Variants in SP6 observed in about 807,000 individuals in gnomAD.
SP6 encodes Sp6 transcription factor.
Under a neutral mutation model 23.4 loss-of-function variants are expected in SP6, and 10 were observed. The ratio of observed to expected loss-of-function variants is 0.43; its 90% confidence interval spans 0.26 to 0.72. The LOEUF is 0.72. SP6 is among the 30% of genes least tolerant of loss of function. SP6 has a pLI of 0.23. For synonymous variants in SP6, 238 were observed against 238.7 expected (o/e 1.00, Z 0.03); for missense variants, 482 against 523.8 (o/e 0.92, Z 0.78).
chr17:47,866,458 C>A, the SP6 span, among the ~76,000 whole-genome samples: 1 of 152,122 alleles, frequency 6.6e-6, no homozygotes, highest in African/African-American at 2.4e-5. Context: ...GGCTGGGAGC[C>A]AGGAGATAGG....
At chr17:47,871,371 C>G in the SP6 span, among the ~76,000 whole-genome samples, 8 of 152,220 alleles carry the variant, frequency 5.3e-5, no homozygotes, top group African/African-American at 1.9e-4. Flanking sequence ...CTATCTGTCC[C>G]CACTTCTCCC....
upstream of SP6, among the ~76,000 whole-genome samples, chr17:47,852,878 C>G (rs1567962568): frequency 6.6e-6 from 1 of 152,190 alleles, no homozygotes; most frequent in Non-Finnish European, 1.5e-5. Context: ...CCTAAAAATG[C>G]TTAGCCCAAG....
the SP6 span, among the ~76,000 whole-genome samples, chr17:47,866,125 G>A: frequency 6.6e-6 from 1 of 152,126 alleles, no homozygotes; most frequent in Admixed American, 6.5e-5. Flanking sequence ...CTGGGAATTG[G>A]GGGAAATATA....
upstream of SP6, among the ~76,000 whole-genome samples, chr17:47,854,408 G>A (rs2033983618): frequency 6.6e-6 from 1 of 152,192 alleles, no homozygotes; most frequent in Non-Finnish European, 1.5e-5. Context: ...CAAGATTACA[G>A]AGTTGTTAAA....
Position 47,848,479 on chromosome 17 carries a change from G to T in SP6, c.-50C>A. ...GGCAGGGACGGTCAGGGGCACCTCA[G>T]ACGGGACCTAAAGGAGGCGAAGAAG... On this transcript the variant is annotated 5_prime_UTR_variant, in exon 2 of 2. The change creates a new upstream start codon in the 5' untranslated region. Coordinates refer to ENST00000536300, the MANE Select transcript of SP6 (RefSeq NM_001258248.2). This position sits in a 1 kb window ranked among gnomAD's most constrained non-coding sequence, Gnocchi z 5.3. 6.9e-7 allele frequency: 1 copy of T among 1,442,122 alleles called. No homozygotes were observed. Among genetic ancestry groups the T allele is most frequent in the Non-Finnish European group, 9.2e-7 (1 of 1,089,676 alleles). 89.3% of individuals were successfully genotyped at this position (1,442,122 alleles called of 1,614,324 possible).
upstream of SP6, among the ~76,000 whole-genome samples, chr17:47,854,656 A>G (rs1397580250): frequency 6.6e-6 from 1 of 152,186 alleles, no homozygotes; most frequent in Non-Finnish European, 1.5e-5. Context: ...CAGACTCTAC[A>G]CTTGTGATCC....
the SP6 span, among the ~76,000 whole-genome samples, chr17:47,873,954 TC>T: frequency 1.3e-5 from 2 of 149,348 alleles, no homozygotes; most frequent in African/African-American, 4.9e-5. Flanking sequence ...TCTCCCCTCT[TC>T]CCTCCTCCTT....
upstream of SP6, chr17:47,855,881 G>C (rs2033995006): frequency 6.6e-6 from 1 of 152,338 alleles, no homozygotes; most frequent in Non-Finnish European, 1.5e-5. Context: ...AGTCCGTGAG[G>C]TCTGCCAGGA....
At chr17:47,870,420 T>A in the SP6 span, among the ~76,000 whole-genome samples, 1 of 152,228 alleles carries the variant, frequency 6.6e-6, no homozygotes, top group South Asian at 2.1e-4. Flanking sequence ...CCTCATCAAA[T>A]GACATCCCTG....
chr17:47,867,260 AG>A, the SP6 span, among the ~76,000 whole-genome samples: 1 of 152,156 alleles, frequency 6.6e-6, no homozygotes, highest in Non-Finnish European at 1.5e-5. Flanking sequence ...GACATTTCCC[AG>A]AGACAGGCGG....
At chr17:47,849,210 G>C (rs532489626) in intron 1 of SP6, among the ~76,000 whole-genome samples, 2 of 152,082 alleles carry the variant, frequency 1.3e-5, no homozygotes, top group African/African-American at 4.8e-5. Flanking sequence ...ACCCCCACCA[G>C]AGAAAACCAA....
chr17:47,847,800 C>T lies in SP6; in HGVS notation c.630G>A (p.Ala210=). Reference sequence around the variant, plus strand: ...CCGACCGCCGGGAGCCTTTGGGACGCGCCGCCCCGTCCAGGCTGGAATCCA... The same window carrying T: ...CCGACCGCCGGGAGCCTTTGGGACGTGCCGCCCCGTCCAGGCTGGAATCCA... The part of the protein sequence containing the change: ...QGLDSSLDGA[A]RPKGSRRSVP... Residue 210 remains alanine (A), a synonymous_variant, in exon 2 of 2, where the codon GCG becomes GCA. Coordinates refer to ENST00000536300, the MANE Select transcript of SP6 (RefSeq NM_001258248.2). 5.2e-6 allele frequency: 8 copies of T among 1,537,168 alleles called. No individual in the cohort carries two copies. The South Asian group carries it at 8.9e-5, about 17-fold the overall frequency.
chr17:47,856,749 G>A (rs2034001099), upstream of SP6, among the ~76,000 whole-genome samples: 2 of 152,022 alleles, frequency 1.3e-5, no homozygotes, highest in African/African-American at 4.8e-5. Context: ...CTTTTCACGG[G>A]ATGACATCCT....
the SP6 span, among the ~76,000 whole-genome samples, chr17:47,866,177 G>T: frequency 6.6e-6 from 1 of 152,120 alleles, no homozygotes; most frequent in Admixed American, 6.5e-5. Flanking sequence ...GGGTGGGAGG[G>T]GATACAGACC....
upstream of SP6, among the ~76,000 whole-genome samples, chr17:47,858,107 C>T (rs923324283): frequency 3.3e-5 from 5 of 152,128 alleles, no homozygotes; most frequent in Admixed American, 1.3e-4. Context: ...CTCCTCCTCC[C>T]GCCCCTAGCT....
chr17:47,865,928 C>G, the SP6 span, among the ~76,000 whole-genome samples: 1 of 152,152 alleles, frequency 6.6e-6, no homozygotes, highest in Non-Finnish European at 1.5e-5. Context: ...TTTCTCTCCC[C>G]ACCCCATCTA....
chr17:47,875,054 C>A, the SP6 span, among the ~76,000 whole-genome samples: 1 of 151,898 alleles, frequency 6.6e-6, no homozygotes, highest in Middle Eastern at 3.4e-3. Flanking sequence ...ACCAGGGGGG[C>A]AGCTTTGTCA....
At chr17:47,870,040 C>T in the SP6 span, among the ~76,000 whole-genome samples, 1 of 152,154 alleles carries the variant, frequency 6.6e-6, no homozygotes. Context: ...AGGCTAGATT[C>T]TCAGAGAATT....
chr17:47,862,034 G>T, the SP6 span, among the ~76,000 whole-genome samples: 7 of 143,664 alleles, frequency 4.9e-5, no homozygotes, highest in African/African-American at 1.8e-4. Flanking sequence ...GACAGAATGA[G>T]ACCCTGTCTC....
Sources: gnomAD v4.1 joint callset for allele counts (sites outside exome capture counted in the v4.1 genomes callset) on GRCh38, gnomAD v4.1.1 for gene constraint, Gnocchi (gnomAD v3.1) non-coding constraint, MANE v1.5 for transcripts, NCBI Gene and HGNC (gene_info 2026-07-23, HGNC 2026-07-21) for gene names.